The following TENM2 variants were observed in gnomAD, a reference collection of about 807,000 sequenced individuals.
The protein encoded by TENM2 is teneurin transmembrane protein 2.
TENM2 carries 52 observed loss-of-function variants against 245.2 expected under a neutral mutation model. That is an observed-to-expected ratio of 0.21 (90% CI 0.17 to 0.27). TENM2 has a LOEUF of 0.27. TENM2 is among the 10% of genes least tolerant of loss of function. The pLI is 1.00. For synonymous variants in TENM2, 1,363 were observed against 1,438.9 expected (o/e 0.95, Z 1.19); for missense variants, 3,046 against 3,666.8 (o/e 0.83, Z 4.37).
chr5:168,120,456 T>C (rs1418345156), intron 10 of TENM2, among the ~76,000 whole-genome samples: 1 of 152,206 alleles, frequency 6.6e-6, no homozygotes, highest in Non-Finnish European at 1.5e-5. Context: ...GCATGCATCA[T>C]TTGGAGAAAG....
intron 3 of TENM2, among the ~76,000 whole-genome samples, chr5:167,877,790 T>G (rs1773551842): frequency 6.6e-6 from 1 of 152,230 alleles, no homozygotes. Context: ...GGAAATATAT[T>G]CCCTTTTTAC....
chr5:168,230,321 CTGAAAATGTAATT>C (rs1197119336), intron 25 of TENM2, among the ~76,000 whole-genome samples: 62 of 152,188 alleles, frequency 4.1e-4, no homozygotes, highest in Non-Finnish European at 3.2e-4. Context: ...GTTGAGTGGA[CTGAAAATGTAATT>C]TGAAAATGAG....
At chr5:167,708,164 G>T (rs1758661056) in intron 2 of TENM2, among the ~76,000 whole-genome samples, 1 of 152,078 alleles carries the variant, frequency 6.6e-6, no homozygotes, top group African/African-American at 2.4e-5. Flanking sequence ...ATAATGTCAT[G>T]ACATCTGGAC....
At chr5:168,139,243 TAAATC>T in intron 12 of TENM2, among the ~76,000 whole-genome samples, 1 of 152,350 alleles carries the variant, frequency 6.6e-6, no homozygotes, top group Non-Finnish European at 1.5e-5. Flanking sequence ...GAAACTTAGT[TAAATC>T]AAATGAAGGT....
chr5:167,409,934 G>T (rs1019107903), intron 2 of TENM2, among the ~76,000 whole-genome samples: 8 of 151,732 alleles, frequency 5.3e-5, no homozygotes, highest in African/African-American at 1.9e-4. Flanking sequence ...CTTATCATAA[G>T]GAAAGTATCA....
chr5:167,428,721 A>G (rs1764031403), intron 2 of TENM2, among the ~76,000 whole-genome samples: 1 of 150,966 alleles, frequency 6.6e-6, no homozygotes, highest in Admixed American at 6.6e-5. Flanking sequence ...TGAACAATGA[A>G]AAAAAAGAGC....
the TENM2 span, among the ~76,000 whole-genome samples, chr5:167,178,183 C>A: frequency 6.6e-6 from 1 of 152,242 alleles, no homozygotes; most frequent in South Asian, 2.1e-4. Context: ...ATCACAAAAG[C>A]TGGCTTTTTA....
chr5:167,934,363 C>T (rs770617323), intron 3 of TENM2, among the ~76,000 whole-genome samples: 5 of 152,178 alleles, frequency 3.3e-5, no homozygotes, highest in Admixed American at 6.5e-5. Context: ...ATCCCTCCTC[C>T]TAGAAGGGGA....
At chr5:168,169,873 C>T (rs940519145) in intron 13 of TENM2, among the ~76,000 whole-genome samples, 1 of 152,142 alleles carries the variant, frequency 6.6e-6, no homozygotes, top group Non-Finnish European at 1.5e-5. Flanking sequence ...CTTTGCAGTC[C>T]AAAGACCTTG....
intron 27 of TENM2, 85 bp from the exon 30 acceptor site, chr5:168,260,197 AT>A (rs1266863438): frequency 1.3e-6 from 2 of 1,495,642 alleles, no homozygotes; most frequent in East Asian, 2.3e-5. Context: ...CCAACCACCC[AT>A]TTTATTTTGT....
intron 2 of TENM2, among the ~76,000 whole-genome samples, chr5:167,547,589 C>T (rs544783395): frequency 1.2e-4 from 18 of 152,112 alleles, no homozygotes; most frequent in African/African-American, 4.3e-4. Context: ...AATGTGGAAT[C>T]CTATAATAGA....
At chr5:167,542,145 A>G (rs1384289405) in intron 2 of TENM2, among the ~76,000 whole-genome samples, 1 of 152,188 alleles carries the variant, frequency 6.6e-6, no homozygotes, top group African/African-American at 2.4e-5. Flanking sequence ...AAGGTAAGCC[A>G]GAAGCCCTTG....
intron 2 of TENM2, among the ~76,000 whole-genome samples, chr5:167,584,698 CT>C (rs35436525): frequency 0.54 from 77,750 of 143,056 alleles, 23,299 homozygotes; most frequent in Middle Eastern, 0.67. Flanking sequence ...CTTTACTTTT[CT>C]TTTTTTTTTT....
intron 2 of TENM2, among the ~76,000 whole-genome samples, chr5:167,795,122 A>G (rs1765227997): frequency 6.6e-6 from 1 of 152,200 alleles, no homozygotes; most frequent in Non-Finnish European, 1.5e-5. Context: ...GCTGAGATTG[A>G]GGGAAGGATT....
At chr5:167,962,402 G>A (rs1781081350) in intron 4 of TENM2, among the ~76,000 whole-genome samples, 1 of 152,158 alleles carries the variant, frequency 6.6e-6, no homozygotes, top group African/African-American at 2.4e-5. Flanking sequence ...CCAGCACAAG[G>A]TGCAAAACTT....
chr5:167,942,650 G>C (rs1472577957), intron 3 of TENM2, among the ~76,000 whole-genome samples: 1 of 152,092 alleles, frequency 6.6e-6, no homozygotes, highest in Non-Finnish European at 1.5e-5. Context: ...GGCATCCTGG[G>C]GATCTTCAAG....
At chr5:168,004,554 CACA>C (rs1784680171) in intron 5 of TENM2, among the ~76,000 whole-genome samples, 3 of 148,786 alleles carry the variant, frequency 2.0e-5, no homozygotes, top group Non-Finnish European at 3.0e-5. Context: ...CACACACACA[CACA>C]CCACTATCCC....
At chr5:168,012,774 G>GAAAAAAAAA (rs3056563) in intron 5 of TENM2, among the ~76,000 whole-genome samples, 3 of 74,272 alleles carry the variant, frequency 4.0e-5, no homozygotes, top group Non-Finnish European at 5.2e-5. Flanking sequence ...AAGAACAACT[G>GAAAAAAAAA]AAAAAAAAAA....
intron 2 of TENM2, among the ~76,000 whole-genome samples, chr5:167,796,706 C>T (rs1179739840): frequency 6.6e-6 from 1 of 151,938 alleles, no homozygotes; most frequent in African/African-American, 2.4e-5. Flanking sequence ...TGCAGGGATG[C>T]CATATCTTCT....
Sources: gnomAD v4.1 joint callset for allele counts (sites outside exome capture counted in the v4.1 genomes callset) on GRCh38, gnomAD v4.1.1 for gene constraint, MANE v1.5 for transcripts, NCBI Gene and HGNC (gene_info 2026-07-23, HGNC 2026-07-21) for gene names.